Variants in SLC24A2 observed in about 807,000 individuals in gnomAD.
SLC24A2 encodes solute carrier family 24 member 2.
A neutral mutation model predicts 62.0 loss-of-function variants in SLC24A2; 36 were observed. The ratio of observed to expected loss-of-function variants is 0.58; its 90% CI spans 0.44 to 0.77. The LOEUF (loss-of-function observed/expected upper bound fraction) is 0.77, where lower values mean the gene tolerates loss of function less well. SLC24A2 is among the 30% of genes least tolerant of loss of function. The pLI, the probability that SLC24A2 is intolerant of heterozygous loss-of-function variation, is 0.00. For missense variants in SLC24A2, 846 were observed against 817.9 expected (o/e 1.03, Z -0.42); for synonymous variants, 358 against 294.0 (o/e 1.22, Z -2.23).
At chr9:19,607,879 A>G (rs1837037430) in intron 4 of SLC24A2, among the ~76,000 whole-genome samples, 1 of 152,204 alleles carries the variant, frequency 6.6e-6, no homozygotes, top group African/African-American at 2.4e-5. Flanking sequence ...CTTATGGCTC[A>G]AATAACATTA....
chr9:20,035,978 A>C, the SLC24A2 span, among the ~76,000 whole-genome samples: 116 of 152,310 alleles, frequency 7.6e-4, 1 homozygote, highest in Non-Finnish European at 1.4e-3. Flanking sequence ...ATAAAAGGCA[A>C]GAGAAAGAGA....
intron 2 of SLC24A2, among the ~76,000 whole-genome samples, chr9:19,697,556 T>G (rs962750561): frequency 6.6e-6 from 1 of 152,172 alleles, no homozygotes; most frequent in Admixed American, 6.5e-5. Flanking sequence ...CATAAATAAG[T>G]GATACAAAAA....
intron 7 of SLC24A2, among the ~76,000 whole-genome samples, chr9:19,557,721 G>C (rs1005067442): frequency 7.9e-5 from 12 of 151,516 alleles, no homozygotes; most frequent in African/African-American, 2.9e-4. Context: ...CTGTGGGTCA[G>C]ACCCCAGTAA....
chr9:20,000,436 G>C, the SLC24A2 span, among the ~76,000 whole-genome samples: 8 of 152,116 alleles, frequency 5.3e-5, no homozygotes, highest in Admixed American at 1.3e-4. Flanking sequence ...GAGTTTCAGA[G>C]ACTTTTGTGC....
intron 2 of SLC24A2, among the ~76,000 whole-genome samples, chr9:19,715,312 A>T (rs191294981): frequency 1.2e-4 from 18 of 152,332 alleles, no homozygotes; most frequent in Admixed American, 1.0e-3. Context: ...TGATACACTG[A>T]CAGGCAGAAA....
chr9:20,276,860 G>A, the SLC24A2 span, among the ~76,000 whole-genome samples: 1 of 152,206 alleles, frequency 6.6e-6, no homozygotes, highest in African/African-American at 2.4e-5. Flanking sequence ...GGCCTGAGCT[G>A]TATGTTGGCC....
At chr9:19,837,769 C>T in the SLC24A2 span, among the ~76,000 whole-genome samples, 6 of 151,960 alleles carry the variant, frequency 3.9e-5, no homozygotes, top group East Asian at 1.2e-3. Context: ...TCTTATATAC[C>T]AATAACAGAC....
At chr9:20,191,725 C>A in the SLC24A2 span, among the ~76,000 whole-genome samples, 1 of 150,688 alleles carries the variant, frequency 6.6e-6, no homozygotes, top group African/African-American at 2.4e-5. Flanking sequence ...GTGGTAAGTG[C>A]CCTCTAAGGG....
At chr9:20,025,001 C>A in the SLC24A2 span, among the ~76,000 whole-genome samples, 3 of 152,112 alleles carry the variant, frequency 2.0e-5, no homozygotes, top group Admixed American at 6.6e-5. Context: ...CAGTGGTGTT[C>A]AAAGCTTTTT....
chr9:19,926,169 A>G, the SLC24A2 span: 1 of 152,192 alleles, frequency 6.6e-6, no homozygotes, highest in Non-Finnish European at 1.5e-5. Context: ...AAGCATGACC[A>G]CTAGATGGCG....
At chr9:20,161,644 T>G in the SLC24A2 span, among the ~76,000 whole-genome samples, 1 of 151,226 alleles carries the variant, frequency 6.6e-6, no homozygotes, top group African/African-American at 2.4e-5. Flanking sequence ...CTGAAAAAGT[T>G]TTTGACAAAT....
chr9:20,207,556 G>A, the SLC24A2 span, among the ~76,000 whole-genome samples: 171 of 152,276 alleles, frequency 1.1e-3, 1 homozygote, highest in African/African-American at 4.0e-3. Flanking sequence ...GCAACAATTT[G>A]TCTATAATTA....
chr9:19,850,998 T>A, the SLC24A2 span, among the ~76,000 whole-genome samples: 1 of 48,864 alleles, frequency 2.0e-5, no homozygotes, highest in Non-Finnish European at 4.8e-5. Context: ...TATATATATA[T>A]ATACACATAC....
At chr9:20,086,806 A>G in the SLC24A2 span, among the ~76,000 whole-genome samples, 9 of 152,072 alleles carry the variant, frequency 5.9e-5, no homozygotes, top group Non-Finnish European at 1.5e-5. Context: ...GCCCGTGAGA[A>G]CCTTCTCCCA....
At position 19,750,998 on chromosome 9, in the gene SLC24A2, G is replaced by C. The variant is rs1348351451; in HGVS notation, c.930+34939C>G. Among the ~76,000 whole-genome samples, 3 of 152,130 alleles carry C rather than the reference G, an allele frequency of 2.0e-5. No homozygotes were observed. The South Asian group carries it at 6.2e-4, about 32-fold the overall frequency. On this transcript the variant is annotated intron_variant, in intron 2 of 10. Transcript: ENST00000341998. The stretch of plus-strand genomic sequence containing the variant: ...GACTGAAGATTTAGCTGCACCCCTA[G>C]TTTGTATACCCACAGCATTCTGTGC...
chr9:20,186,032 T>C, the SLC24A2 span, among the ~76,000 whole-genome samples: 2 of 152,078 alleles, frequency 1.3e-5, no homozygotes, highest in African/African-American at 4.8e-5. Context: ...AATACATGTA[T>C]TGTTTAGGAG....
the SLC24A2 span, among the ~76,000 whole-genome samples, chr9:19,840,858 C>T: frequency 6.6e-6 from 1 of 152,146 alleles, no homozygotes; most frequent in Non-Finnish European, 1.5e-5. Context: ...ACAGCATTTA[C>T]CTTTAAACTG....
At chr9:19,854,111 T>G in the SLC24A2 span, among the ~76,000 whole-genome samples, 14 of 152,336 alleles carry the variant, frequency 9.2e-5, no homozygotes, top group East Asian at 2.3e-3. Context: ...TATTCTCTGA[T>G]GGTTGGTTGT....
chr9:20,166,240 A>G, the SLC24A2 span, among the ~76,000 whole-genome samples: 3 of 151,994 alleles, frequency 2.0e-5, no homozygotes, highest in Non-Finnish European at 4.4e-5. Context: ...ATTACTATGT[A>G]GCAATCCCAA....
Sources: allele counts gnomAD v4.1 joint callset (sites outside exome capture counted in the v4.1 genomes callset), GRCh38; gene constraint gnomAD v4.1.1; transcripts MANE v1.5; gene names NCBI Gene and HGNC (gene_info 2026-07-23, HGNC 2026-07-21).